GLT8D2: variants seen among roughly 807,000 people sequenced by gnomAD.
GLT8D2 encodes the protein glycosyltransferase 8 domain-containing protein 2.
Under a neutral mutation model 44.5 loss-of-function variants are expected in GLT8D2, and 45 were observed. The observed-to-expected ratio is 1.01, with a 90% CI of 0.80 to 1.30. The LOEUF is 1.30. Ranked by LOEUF, GLT8D2 falls within the 50% of genes most tolerant of loss-of-function variation. The probability of loss-of-function intolerance (pLI) is 0.00; values close to 1 mark genes in which losing one functional copy is unlikely to be tolerated. For synonymous variants in GLT8D2, 156 were observed against 157.2 expected, an observed-to-expected ratio of 0.99 and a Z score of 0.06; for missense variants, 400 against 430.4, an observed-to-expected ratio of 0.93 and a Z score of 0.62.
intron 1 of GLT8D2, among the ~76,000 whole-genome samples, chr12:104,027,459 A>G (rs1878719387): frequency 6.6e-6 from 1 of 152,232 alleles, no homozygotes; most frequent in Non-Finnish European, 1.5e-5. Flanking sequence ...CACTTCCTGG[A>G]CATCCTAGTT....
chr12:104,033,137 CT>C (rs1879515337), intron 1 of GLT8D2, among the ~76,000 whole-genome samples: 1 of 152,178 alleles, frequency 6.6e-6, no homozygotes, highest in Non-Finnish European at 1.5e-5. Context: ...CCACCTCAGC[CT>C]CCCAAAGTGC....
Position 103,994,331 on chromosome 12 carries a change from G to C in GLT8D2, c.767+4C>G. ...GAAAAAATGGTAGAGAAGCCTTCAC[G>C]TACTCCACATTCTTTTGCATCCATT... On this transcript the variant is annotated splice_donor_region_variant and intron_variant, in intron 9 of 10. Coordinates refer to ENST00000360814, the MANE Select transcript of GLT8D2 (RefSeq NM_001384711.1). 1 of 1,602,624 alleles carries C rather than the reference G, an allele frequency of 6.2e-7. No individual in the cohort carries two copies. Among genetic ancestry groups the C allele is most frequent in the Middle Eastern group, 1.7e-4 (1 of 5,998 alleles).
At chr12:104,003,108 T>A (rs774033654) in intron 5 of GLT8D2, 27 bp downstream of exon 5, 1 of 1,589,424 alleles carries the variant, frequency 6.3e-7, no homozygotes, top group Non-Finnish European at 8.6e-7. Context: ...AAACAGAAAG[T>A]GCCAAAGTCT....
chr12:104,012,878 G>C, intron 4 of GLT8D2: 2 of 686,836 alleles, frequency 2.9e-6, no homozygotes, highest in Non-Finnish European at 5.3e-6. Context: ...AGCCAGGAAT[G>C]CAGCACAGAG....
At chr12:104,055,529 A>G (rs1882110606) in intron 1 of GLT8D2, among the ~76,000 whole-genome samples, 1 of 152,256 alleles carries the variant, frequency 6.6e-6, no homozygotes. Context: ...AAGTTTGGTT[A>G]GATTTAGTTA....
At chr12:104,007,094 T>C (rs1199304976) in intron 4 of GLT8D2, among the ~76,000 whole-genome samples, 1 of 152,222 alleles carries the variant, frequency 6.6e-6, no homozygotes, top group Non-Finnish European at 1.5e-5. Context: ...CTTTTGAGCC[T>C]GGCTATGCTA....
chr12:104,006,492 T>A (rs1463656027), intron 4 of GLT8D2, among the ~76,000 whole-genome samples: 1 of 152,190 alleles, frequency 6.6e-6, no homozygotes, highest in African/African-American at 2.4e-5. Flanking sequence ...TTCCACCCTG[T>A]ATTTCAAACT....
At chr12:104,055,009 A>G (rs1882056540), upstream of GLT8D2, among the ~76,000 whole-genome samples, 2 of 152,192 alleles carry the variant, frequency 1.3e-5, no homozygotes, top group Admixed American at 1.3e-4. Flanking sequence ...AAACATGGTT[A>G]AGAGATGATG....
Position 104,041,690 on chromosome 12 carries a change from C to T in GLT8D2, c.-164+8205G>A, listed in dbSNP as rs538274377. On this transcript the variant is annotated intron_variant, in intron 1 of 10. Transcript: ENST00000360814. ...TTGATTCATTCAACAAACATTTACT[C>T]AACCTCTACGAATATACCAGGCACC... Among the ~76,000 whole-genome samples the T allele has an allele frequency of 2.6e-5, 4 of 152,346 alleles. No individual in the cohort carries two copies. The East Asian group carries it at 7.7e-4, about 29-fold the overall frequency.
chr12:104,014,903 T>C (rs1876355835), intron 4 of GLT8D2, 110 bp downstream of exon 4: 1 of 718,958 alleles, frequency 1.4e-6, no homozygotes, highest in African/African-American at 1.8e-5. Context: ...TCCTTGGGAG[T>C]TGACCAAACT....
At chr12:104,017,529 G>T (rs1276735405) in intron 3 of GLT8D2, among the ~76,000 whole-genome samples, 1 of 152,122 alleles carries the variant, frequency 6.6e-6, no homozygotes, top group South Asian at 2.1e-4. Context: ...CACCATGTTG[G>T]CCAGGCTGAT....
chr12:104,031,156 G>A (rs1593558815), intron 1 of GLT8D2: 1 of 1,599,786 alleles, frequency 6.3e-7, no homozygotes, highest in Non-Finnish European at 8.5e-7. Flanking sequence ...CACCTCCGAT[G>A]GAGCCCGACC....
At chr12:104,003,433 A>G in intron 4 of GLT8D2, 127 bp from the exon 5 acceptor site, 1 of 793,452 alleles carries the variant, frequency 1.3e-6, no homozygotes, top group South Asian at 1.7e-5. Context: ...GTTCTCCAAT[A>G]TCTAGTCATT....
At chr12:104,060,450 T>A (rs1882545395) in intron 1 of GLT8D2, among the ~76,000 whole-genome samples, 1 of 152,194 alleles carries the variant, frequency 6.6e-6, no homozygotes, top group Non-Finnish European at 1.5e-5. Context: ...ATCTTTCCCA[T>A]TGGATTATGT....
rs116150810 is a variant in GLT8D2, at chr12:104,027,074, G to T, written c.-163-5583C>A. Among the ~76,000 whole-genome samples, 1,325 of 152,292 alleles carry T rather than the reference G, an allele frequency of 8.7e-3. 22 individuals carry two copies. The highest frequency in any genetic ancestry group is 0.03 in the African/African-American group (1,242 of 41,562). ...TAGGAAAACTCTTCAACAGAGATTT[G>T]ATTCAACTCTTTAATTCACTGTAAA... On this transcript the variant is annotated intron_variant, in intron 1 of 10. Coordinates refer to ENST00000360814, the MANE Select transcript of GLT8D2 (RefSeq NM_001384711.1).
intron 10 of GLT8D2, among the ~76,000 whole-genome samples, chr12:103,992,578 T>G (rs1257697505): frequency 1.3e-5 from 2 of 151,296 alleles, no homozygotes; most frequent in Admixed American, 1.3e-4. Flanking sequence ...CTGCAACCTC[T>G]GCCTTCCAGG....
intron 2 of GLT8D2, 132 bp downstream of exon 2, chr12:104,021,225 T>C (rs1247728743): frequency 6.6e-6 from 1 of 152,242 alleles, no homozygotes; most frequent in Non-Finnish European, 1.5e-5. Flanking sequence ...CTTCTGTGCC[T>C]AGGTGGGATG....
chr12:104,012,706 C>T (rs1235127170), intron 4 of GLT8D2: 4 of 641,606 alleles, frequency 6.2e-6, no homozygotes, highest in Non-Finnish European at 1.1e-5. Flanking sequence ...CTCCAGAGTC[C>T]GTTTGTTAAC....
upstream of GLT8D2, among the ~76,000 whole-genome samples, chr12:104,051,617 G>A (rs1881736599): frequency 6.6e-6 from 1 of 151,974 alleles, no homozygotes; most frequent in South Asian, 2.1e-4. Context: ...CCTCCTTCTA[G>A]CTCTTTGAAG....
Sources: gnomAD v4.1 joint callset for allele counts (sites outside exome capture counted in the v4.1 genomes callset) on GRCh38, gnomAD v4.1.1 for gene constraint, MANE v1.5 for transcripts, NCBI Gene and HGNC (gene_info 2026-07-23, HGNC 2026-07-21) for gene names.